ATP8A2: variants seen among roughly 807,000 people sequenced by gnomAD.
The protein encoded by ATP8A2 is ATPase phospholipid transporting 8A2, also known as phospholipid-transporting ATPase IB.
Under a neutral mutation model 165.6 loss-of-function variants are expected in ATP8A2, and 100 were observed. The ratio of observed to expected loss-of-function variants is 0.60; its 90% CI spans 0.51 to 0.71. The LOEUF (loss-of-function observed/expected upper bound fraction) is 0.71, where lower values mean the gene tolerates loss of function less well. ATP8A2 is among the 30% of genes least tolerant of loss of function. ATP8A2 has a pLI of 0.00. For missense variants in ATP8A2, 1,227 were observed against 1,479.5 expected, an observed-to-expected ratio of 0.83 and a Z score of 2.80; for synonymous variants, 543 against 548.8, an observed-to-expected ratio of 0.99 and a Z score of 0.15.
intron 23 of ATP8A2, among the ~76,000 whole-genome samples, chr13:25,585,971 C>G (rs2039910239): frequency 6.6e-6 from 1 of 152,164 alleles, no homozygotes; most frequent in Admixed American, 6.5e-5. Flanking sequence ...TGAGGAAGTA[C>G]CAATTGTGCA....
intron 24 of ATP8A2, among the ~76,000 whole-genome samples, chr13:25,601,600 G>T (rs2040388503): frequency 6.6e-6 from 1 of 152,162 alleles, no homozygotes; most frequent in Admixed American, 6.5e-5. Context: ...AAGTAGGTGG[G>T]ACTACAGGCG....
rs554136487 is a variant in ATP8A2 at position 25,657,039 on chromosome 13, C to A, written c.2212-42134C>A. On this transcript the variant is annotated intron_variant, in intron 24 of 36. Coordinates refer to ENST00000381655, the MANE Select transcript of ATP8A2 (RefSeq NM_016529.6). Reference sequence around the variant, plus strand: ...CTGCACTCTAGCCTGGGTGACAGATCGAGACTCTGTCTCAAAAAAAAAAAA... The same window carrying A: ...CTGCACTCTAGCCTGGGTGACAGATAGAGACTCTGTCTCAAAAAAAAAAAA... Among the ~76,000 whole-genome samples, 3 of 101,930 alleles carry A rather than the reference C, an allele frequency of 2.9e-5. No individual in the cohort carries two copies. In the South Asian group the frequency reaches 1.1e-3, roughly 39 times the overall value. 66.9% of individuals were successfully genotyped at this position (101,930 alleles called of 152,430 possible). A position where few individuals can be genotyped will look rare whatever the true frequency, so the allele number is the denominator to read the frequency against.
chr13:25,549,180 C>A (rs1173875838), intron 10 of ATP8A2, among the ~76,000 whole-genome samples: 1 of 152,062 alleles, frequency 6.6e-6, no homozygotes, highest in Non-Finnish European at 1.5e-5. Flanking sequence ...CCGGGCCCGG[C>A]CGGGCGCGGT....
At chr13:25,386,165 C>T (rs918932111) in intron 1 of ATP8A2, among the ~76,000 whole-genome samples, 7 of 152,154 alleles carry the variant, frequency 4.6e-5, no homozygotes, top group Non-Finnish European at 7.3e-5. Flanking sequence ...ATCCACCCAC[C>T]TCAGCCTCCC....
At chr13:25,468,710 C>A in intron 1 of ATP8A2, 1 of 434,324 alleles carries the variant, frequency 2.3e-6, no homozygotes, top group Non-Finnish European at 3.1e-6. Context: ...GAGCTGGGGG[C>A]GGCTCTCCCG....
chr13:25,675,254 C>G (rs984136592), intron 24 of ATP8A2, among the ~76,000 whole-genome samples: 1 of 152,192 alleles, frequency 6.6e-6, no homozygotes, highest in Non-Finnish European at 1.5e-5. Context: ...CCCGTAATAC[C>G]AGGTGGAGGA....
chr13:25,752,516 A>G (rs1164052808), intron 25 of ATP8A2, among the ~76,000 whole-genome samples: 4 of 152,232 alleles, frequency 2.6e-5, no homozygotes, highest in Non-Finnish European at 4.4e-5. Context: ...TCATAGGCAC[A>G]GTCACTAGCT....
chr13:25,848,774 C>T (rs769209712), intron 30 of ATP8A2, among the ~76,000 whole-genome samples: 3 of 152,104 alleles, frequency 2.0e-5, no homozygotes, highest in Admixed American at 6.5e-5. Context: ...CTACTTTTTA[C>T]GGGGAGGAAA....
At chr13:25,990,019 G>A (rs980196974) in intron 35 of ATP8A2, among the ~76,000 whole-genome samples, 21 of 152,142 alleles carry the variant, frequency 1.4e-4, no homozygotes, top group Non-Finnish European at 1.8e-4. Flanking sequence ...GCAGGCCAGC[G>A]CCTCCCTTCC....
intron 9 of ATP8A2, among the ~76,000 whole-genome samples, chr13:25,542,924 A>G (rs1166928956): frequency 3.9e-5 from 6 of 151,938 alleles, no homozygotes; most frequent in Admixed American, 2.0e-4. Context: ...TTTATTTTAC[A>G]AATAATAATA....
intron 33 of ATP8A2, among the ~76,000 whole-genome samples, chr13:25,909,253 A>G (rs184003445): frequency 2.3e-3 from 353 of 152,290 alleles, no homozygotes; most frequent in Non-Finnish European, 3.6e-3. Flanking sequence ...TATATATCTC[A>G]AAATACCTAG....
At chr13:25,561,952 T>C (rs1422526195) in intron 15 of ATP8A2, among the ~76,000 whole-genome samples, 1 of 152,224 alleles carries the variant, frequency 6.6e-6, no homozygotes, top group Non-Finnish European at 1.5e-5. Flanking sequence ...GCCAGAATCT[T>C]CTCCCTTTGG....
chr13:25,839,163 G>A (rs571679198), intron 29 of ATP8A2, among the ~76,000 whole-genome samples: 1 of 152,138 alleles, frequency 6.6e-6, no homozygotes, highest in African/African-American at 2.4e-5. Flanking sequence ...CACAGTTTTA[G>A]TCTCTTCTTA....
At chr13:25,691,895 T>C (rs908986395) in intron 24 of ATP8A2, among the ~76,000 whole-genome samples, 2 of 152,226 alleles carry the variant, frequency 1.3e-5, no homozygotes, top group African/African-American at 4.8e-5. Context: ...ATTTGTGCTT[T>C]GAATTTTACC....
chr13:25,937,317 T>C (rs1954919995), intron 33 of ATP8A2, among the ~76,000 whole-genome samples: 1 of 150,626 alleles, frequency 6.6e-6, no homozygotes. Flanking sequence ...CACTCAACTT[T>C]TGTGGCATTT....
chr13:26,016,212 C>T (rs1036301409), intron 36 of ATP8A2, among the ~76,000 whole-genome samples: 10 of 152,198 alleles, frequency 6.6e-5, no homozygotes, highest in Non-Finnish European at 1.5e-4. Flanking sequence ...TCTTAGCGTA[C>T]AACACGCTGG....
At chr13:25,964,036 G>A (rs1006652886) in intron 34 of ATP8A2, among the ~76,000 whole-genome samples, 37 of 152,252 alleles carry the variant, frequency 2.4e-4, no homozygotes, top group Non-Finnish European at 3.2e-4. Flanking sequence ...CGCAGGGCAA[G>A]CAAGGAAGGC....
At chr13:25,700,157 G>T (rs894568690) in intron 25 of ATP8A2, among the ~76,000 whole-genome samples, 1 of 152,140 alleles carries the variant, frequency 6.6e-6, no homozygotes, top group Non-Finnish European at 1.5e-5. Context: ...AGGAAACCTG[G>T]TGCAGCTGTG....
At chr13:25,902,152 A>C (rs1264844766) in intron 33 of ATP8A2, among the ~76,000 whole-genome samples, 2 of 152,196 alleles carry the variant, frequency 1.3e-5, no homozygotes, top group African/African-American at 4.8e-5. Context: ...GGAATGGAAG[A>C]TTGCTCAACA....
Sources: gnomAD v4.1 joint callset for allele counts (sites outside exome capture counted in the v4.1 genomes callset) on GRCh38, gnomAD v4.1.1 for gene constraint, MANE v1.5 for transcripts, NCBI Gene and HGNC (gene_info 2026-07-23, HGNC 2026-07-21) for gene names.